The following UNC5D variants were observed in gnomAD, a reference collection of about 807,000 sequenced individuals.
UNC5D encodes unc-5 netrin receptor D, also known as netrin receptor UNC5D.
A neutral mutation model predicts 105.4 loss-of-function variants in UNC5D; 39 were observed. The ratio of observed to expected loss-of-function variants is 0.37; its 90% CI spans 0.29 to 0.48. The LOEUF (loss-of-function observed/expected upper bound fraction) is 0.48. Ranked by LOEUF, UNC5D falls within the 20% of genes least tolerant of loss-of-function variation. UNC5D has a pLI of 0.98. For missense variants in UNC5D, 991 were observed against 1,202.4 expected, an observed-to-expected ratio of 0.82 and a Z score of 2.60; for synonymous variants, 452 against 450.4, an observed-to-expected ratio of 1.00 and a Z score of -0.04.
At chr8:35,356,378 C>T (rs1006471928) in intron 1 of UNC5D, among the ~76,000 whole-genome samples, 1 of 152,116 alleles carries the variant, frequency 6.6e-6, no homozygotes. Context: ...CCGTTGGATG[C>T]CTCTGGGCAT....
intron 8 of UNC5D, 96 bp from the exon 9 acceptor site, chr8:35,722,114 C>T (rs1828611985): frequency 2.2e-6 from 3 of 1,382,412 alleles, no homozygotes; most frequent in East Asian, 4.6e-5. Flanking sequence ...TGAGCAGTAG[C>T]TCCAAAAATC....
chr8:35,766,799 G>A (rs1801788051), intron 14 of UNC5D, 103 bp from the exon 15 acceptor site: 3 of 1,324,904 alleles, frequency 2.3e-6, no homozygotes, highest in Admixed American at 2.5e-5. Flanking sequence ...CATCGTTGTT[G>A]TTGTCGTCAT....
At chr8:35,600,751 C>T (rs903505744) in intron 4 of UNC5D, among the ~76,000 whole-genome samples, 4 of 152,096 alleles carry the variant, frequency 2.6e-5, no homozygotes, top group African/African-American at 7.2e-5. Context: ...CTGTAGGTTG[C>T]CTGTTCACTC....
At chr8:35,768,592 T>C (rs925749149) in intron 15 of UNC5D, among the ~76,000 whole-genome samples, 1 of 152,198 alleles carries the variant, frequency 6.6e-6, no homozygotes, top group Non-Finnish European at 1.5e-5. Context: ...TTAAAGGTTA[T>C]TGTTTGTAAA....
intron 4 of UNC5D, among the ~76,000 whole-genome samples, chr8:35,599,215 C>A (rs1819682383): frequency 7.0e-6 from 1 of 142,652 alleles, no homozygotes; most frequent in Admixed American, 7.0e-5. Context: ...CCACATGTTG[C>A]GGAGATGGGG....
At chr8:35,337,075 T>C (rs543147129) in intron 1 of UNC5D, among the ~76,000 whole-genome samples, 2 of 152,342 alleles carry the variant, frequency 1.3e-5, no homozygotes, top group South Asian at 4.1e-4. Context: ...CATAGGAGAC[T>C]AATGATTTAG....
At chr8:35,237,829 G>A (rs991535979) in intron 1 of UNC5D, among the ~76,000 whole-genome samples, 1 of 152,202 alleles carries the variant, frequency 6.6e-6, no homozygotes, top group African/African-American at 2.4e-5. Context: ...ATGAGCACTA[G>A]TCAGGCTGTG....
At chr8:35,348,407 A>G (rs557392813) in intron 1 of UNC5D, among the ~76,000 whole-genome samples, 24 of 152,026 alleles carry the variant, frequency 1.6e-4, no homozygotes, top group African/African-American at 4.6e-4. Context: ...TCTGTTGGGG[A>G]GTACAGGATA....
chr8:35,448,932 G>T (rs112455931), intron 1 of UNC5D, among the ~76,000 whole-genome samples: 3,551 of 152,152 alleles, frequency 0.023, 139 homozygotes, highest in African/African-American at 0.082. Flanking sequence ...TGCTGCAAAA[G>T]GTAGGATTTT....
chr8:35,343,149 A>G (rs992098172), intron 1 of UNC5D, among the ~76,000 whole-genome samples: 6 of 152,182 alleles, frequency 3.9e-5, no homozygotes, highest in Admixed American at 3.3e-4. Flanking sequence ...TTGGAGAATC[A>G]ATGTTGTAGG....
intron 11 of UNC5D, among the ~76,000 whole-genome samples, chr8:35,736,167 T>C (rs1829458398): frequency 6.6e-6 from 1 of 152,152 alleles, no homozygotes. Context: ...GAGACCAGCC[T>C]GGGCAACAAT....
chr8:35,715,213 GAT>G (rs564239661), intron 8 of UNC5D, among the ~76,000 whole-genome samples: 8 of 152,140 alleles, frequency 5.3e-5, no homozygotes, highest in Admixed American at 1.3e-4. Flanking sequence ...TGATTGATAA[GAT>G]AGCGTACATT....
At chr8:35,397,045 T>G (rs560079612) in intron 1 of UNC5D, among the ~76,000 whole-genome samples, 47 of 151,996 alleles carry the variant, frequency 3.1e-4, no homozygotes, top group Admixed American at 1.8e-3. Flanking sequence ...TAGCTGGGAT[T>G]ACAGGTGTGT....
chr8:35,381,368 CATAGA>C (rs1303870831), intron 1 of UNC5D, among the ~76,000 whole-genome samples: 1 of 152,048 alleles, frequency 6.6e-6, no homozygotes, highest in Non-Finnish European at 1.5e-5. Flanking sequence ...GATTTATAAC[CATAGA>C]CTCTCACACT....
At chr8:35,721,921 G>GAA (rs1215720956) in intron 8 of UNC5D, among the ~76,000 whole-genome samples, 1 of 152,020 alleles carries the variant, frequency 6.6e-6, no homozygotes, top group South Asian at 2.1e-4. Flanking sequence ...GCTCTTACTA[G>GAA]AAAAAAACAT....
At chr8:35,316,966 T>C (rs1436741155) in intron 1 of UNC5D, among the ~76,000 whole-genome samples, 1 of 152,158 alleles carries the variant, frequency 6.6e-6, no homozygotes, top group Non-Finnish European at 1.5e-5. Flanking sequence ...ACAAAATAAA[T>C]GTTCTGACTT....
intron 2 of UNC5D, among the ~76,000 whole-genome samples, chr8:35,565,684 A>G (rs1040843396): frequency 8.5e-5 from 13 of 152,166 alleles, no homozygotes; most frequent in Admixed American, 3.3e-4. Flanking sequence ...GTTTTCTTCT[A>G]AAATTTTTAC....
In UNC5D at chr8:35,722,401, C is replaced by A. The variant is rs749145160; in HGVS notation, c.1303+6C>A. On this transcript the variant is annotated splice_donor_region_variant and intron_variant, in intron 9 of 16. Transcript: ENST00000404895. ...CTTCAAAACAGTCCGTCAAGGTCAG[C>A]GGCATAGGTCCCTCCACACCTCGTC... 7 of 1,611,850 alleles carry A rather than the reference C, an allele frequency of 4.3e-6. No individual in the cohort carries two copies. Among genetic ancestry groups the A allele is most frequent in the African/African-American group, 4.0e-5 (3 of 74,880 alleles).
At chr8:35,634,451 C>T (rs1822231622) in intron 4 of UNC5D, among the ~76,000 whole-genome samples, 1 of 152,182 alleles carries the variant, frequency 6.6e-6, no homozygotes, top group Non-Finnish European at 1.5e-5. Context: ...GAATGATTTG[C>T]ATCCCAAGGT....
Sources: allele counts gnomAD v4.1 joint callset (sites outside exome capture counted in the v4.1 genomes callset), GRCh38; gene constraint gnomAD v4.1.1; transcripts MANE v1.5; gene names NCBI Gene and HGNC (gene_info 2026-07-23, HGNC 2026-07-21).